NEK11: variants seen among roughly 807,000 people sequenced by gnomAD.
The protein encoded by NEK11 is NIMA related kinase 11.
In NEK11, 72 loss-of-function variants were observed where a neutral mutation model predicts 80.7. The observed-to-expected ratio is 0.89, with a 90% CI of 0.74 to 1.08. The LOEUF is 1.08. Among genes scored for constraint, NEK11 ranks in the 50% least tolerant of loss-of-function variants. The pLI is 0.00. For missense variants in NEK11, 764 were observed against 763.6 expected, an observed-to-expected ratio of 1.00 and a Z score of -0.01; for synonymous variants, 251 against 260.7, an observed-to-expected ratio of 0.96 and a Z score of 0.36.
rs781747527 is a variant in NEK11, at chr3:131,165,410, C to T, written c.1083-16C>T. 6.7e-7 allele frequency: 1 copy of T among 1,485,102 alleles called. No homozygotes were observed. The highest frequency in any genetic ancestry group is 1.1e-5 in the South Asian group (1 of 88,250). 92.0% of individuals were successfully genotyped at this position (1,485,102 alleles called of 1,614,324 possible). ...CAATTCGCAGTTATTTTTCTACATT[C>T]ACTTTAAATTTACAGAAAGATTGTG... On this transcript the variant is annotated splice_polypyrimidine_tract_variant and intron_variant, in intron 11 of 17. Coordinates refer to ENST00000383366, the MANE Select transcript of NEK11 (RefSeq NM_024800.5).
intron 17 of NEK11, among the ~76,000 whole-genome samples, chr3:131,306,680 G>A (rs777859568): frequency 4.6e-5 from 7 of 152,282 alleles, no homozygotes; most frequent in East Asian, 1.9e-4. Flanking sequence ...AGAACAGAGC[G>A]CACTGACATA....
intron 7 of NEK11, among the ~76,000 whole-genome samples, chr3:131,143,948 G>A (rs2087566834): frequency 6.6e-6 from 1 of 152,042 alleles, no homozygotes; most frequent in Admixed American, 6.6e-5. Flanking sequence ...ATATCAGGAT[G>A]CTCTTCAATT....
At chr3:131,056,227 T>C (rs143312934) in intron 3 of NEK11, among the ~76,000 whole-genome samples, 9 of 152,342 alleles carry the variant, frequency 5.9e-5, no homozygotes, top group African/African-American at 1.9e-4. Context: ...GATTTCACAC[T>C]GGAATGAATG....
intron 17 of NEK11, among the ~76,000 whole-genome samples, chr3:131,306,030 C>CT (rs1300139364): frequency 1.3e-5 from 2 of 152,094 alleles, no homozygotes; most frequent in African/African-American, 4.8e-5. Flanking sequence ...TTGGTTCTGT[C>CT]TTAGGATTTA....
intron 6 of NEK11, chr3:131,133,249 T>A: frequency 2.2e-6 from 1 of 455,508 alleles, no homozygotes; most frequent in Non-Finnish European, 4.4e-6. Flanking sequence ...CCTTTAGTTC[T>A]TCAGAACTGT....
rs534333652 is a variant in NEK11 at position 131,331,508 on chromosome 3, G to A, written c.1719-18049G>A. Among the ~76,000 whole-genome samples the A allele has an allele frequency of 8.5e-5, 13 of 152,270 alleles. No individual in the cohort carries two copies. In the South Asian group the frequency reaches 2.5e-3, roughly 29 times the overall value. ...AGATGGCCGAATAGGAACAGCTCTG[G>A]TCTACACCTCCCAGCGTGAGCGACG... On this transcript the variant is annotated intron_variant, in intron 17 of 17. Coordinates refer to ENST00000383366, the MANE Select transcript of NEK11 (RefSeq NM_024800.5).
chr3:131,334,039 G>A (rs1402243938), intron 17 of NEK11, among the ~76,000 whole-genome samples: 9 of 152,100 alleles, frequency 5.9e-5, no homozygotes, highest in Admixed American at 1.3e-4. Flanking sequence ...ACACCCCACT[G>A]TCAACATTAG....
At chr3:131,191,620 A>G (rs1401438537) in intron 14 of NEK11, among the ~76,000 whole-genome samples, 3 of 152,146 alleles carry the variant, frequency 2.0e-5, no homozygotes, top group Non-Finnish European at 4.4e-5. Flanking sequence ...AACATATTCA[A>G]AAACTCTGGG....
intron 4 of NEK11, among the ~76,000 whole-genome samples, chr3:131,092,140 G>A (rs1321399263): frequency 6.6e-6 from 1 of 152,182 alleles, no homozygotes; most frequent in African/African-American, 2.4e-5. Context: ...TCTCAAAATT[G>A]GGCATTGATG....
At chr3:131,235,897 A>G (rs960423848) in intron 15 of NEK11, among the ~76,000 whole-genome samples, 6 of 152,332 alleles carry the variant, frequency 3.9e-5, no homozygotes, top group African/African-American at 9.6e-5. Flanking sequence ...AAGTTGGTAA[A>G]GGAGAAGAAA....
chr3:131,151,845 A>T (rs2089702314), intron 7 of NEK11, among the ~76,000 whole-genome samples: 1 of 152,122 alleles, frequency 6.6e-6, no homozygotes, highest in Non-Finnish European at 1.5e-5. Flanking sequence ...AGAATTATAC[A>T]TTTTAATGTG....
chr3:131,228,413 C>A, intron 14 of NEK11, 115 bp from the exon 15 acceptor site: 1 of 832,742 alleles, frequency 1.2e-6, no homozygotes, highest in Non-Finnish European at 1.8e-6. Context: ...CTCTACACTC[C>A]ATGGAAGCTT....
At chr3:131,252,610 TTCAGTGTATTAGTC>T (rs2095728866) in intron 16 of NEK11, among the ~76,000 whole-genome samples, 1 of 152,124 alleles carries the variant, frequency 6.6e-6, no homozygotes, top group Non-Finnish European at 1.5e-5. Context: ...GCATTTCAAG[TTCAGTGTATTAGTC>T]TCCTTTATAG....
intron 5 of NEK11, among the ~76,000 whole-genome samples, chr3:131,122,090 G>C (rs1344042645): frequency 6.6e-6 from 1 of 152,164 alleles, no homozygotes; most frequent in Non-Finnish European, 1.5e-5. Context: ...GACTGGAACT[G>C]TTCCTATTCG....
chr3:131,070,615 C>T (rs1408707555), intron 3 of NEK11, among the ~76,000 whole-genome samples: 4 of 152,266 alleles, frequency 2.6e-5, no homozygotes, highest in East Asian at 3.9e-4. Context: ...CCAATCACAA[C>T]GACAAGTTGT....
intron 17 of NEK11, among the ~76,000 whole-genome samples, chr3:131,307,034 A>G (rs1478944156): frequency 6.6e-6 from 1 of 152,050 alleles, no homozygotes; most frequent in African/African-American, 2.4e-5. Flanking sequence ...TCTCTAATGG[A>G]TCCTAAAAGA....
At chr3:131,032,922 T>C (rs1156493117) in intron 3 of NEK11, among the ~76,000 whole-genome samples, 4 of 152,226 alleles carry the variant, frequency 2.6e-5, no homozygotes, top group South Asian at 2.1e-4. Context: ...ATGACTGCAA[T>C]TGGAAACTTC....
At position 131,039,337 on chromosome 3, in the gene NEK11, GACCCCAA is replaced by G. The variant is rs534865266; in HGVS notation, c.170+9461_170+9467del. ...TTCAGTCAGCTAACTTTAATTTCCT[GACCCCAA>G]AACAAGCACAACACCCTCAAGTATA... On this transcript the variant is annotated intron_variant, in intron 3 of 17. Transcript: ENST00000383366. 8.5e-5 allele frequency among the ~76,000 whole-genome samples: 13 copies of G among 152,258 alleles called. No individual in the cohort carries two copies. In the East Asian group the frequency reaches 2.5e-3, roughly 29 times the overall value.
intron 2 of NEK11, among the ~76,000 whole-genome samples, chr3:131,029,051 C>T (rs552977418): frequency 6.6e-6 from 1 of 152,276 alleles, no homozygotes; most frequent in African/African-American, 2.4e-5. Flanking sequence ...ATTTGCTGAG[C>T]ATGGGAAAAA....
Sources: gnomAD v4.1 joint callset for allele counts (sites outside exome capture counted in the v4.1 genomes callset) on GRCh38, gnomAD v4.1.1 for gene constraint, MANE v1.5 for transcripts, NCBI Gene and HGNC (gene_info 2026-07-23, HGNC 2026-07-21) for gene names.